ZNF710: variants seen among roughly 807,000 people sequenced by gnomAD.
ZNF710 encodes zinc finger protein 710.
A neutral mutation model predicts 50.6 loss-of-function variants in ZNF710; 13 were observed. The observed-to-expected ratio is 0.26, with a 90% CI of 0.17 to 0.41. The LOEUF is 0.41. ZNF710 is among the 10% of genes least tolerant of loss of function. The probability of loss-of-function intolerance (pLI) is 1.00; values close to 1 mark genes in which losing one functional copy is unlikely to be tolerated. For synonymous variants in ZNF710, 383 were observed against 397.0 expected (o/e 0.96, Z 0.42); for missense variants, 721 against 936.6 (o/e 0.77, Z 3.01).
At chr15:90,070,812 C>T (rs982174090) in intron 2 of ZNF710, among the ~76,000 whole-genome samples, 7 of 152,178 alleles carry the variant, frequency 4.6e-5, no homozygotes, top group Admixed American at 6.5e-5. Context: ...GAGCAAGACT[C>T]TGTCTCCAAA....
intron 2 of ZNF710, among the ~76,000 whole-genome samples, chr15:90,072,539 A>G (rs187935320): frequency 6.6e-6 from 1 of 152,298 alleles, no homozygotes; most frequent in South Asian, 2.1e-4. Context: ...AGCTTCAATC[A>G]TATTATCAAA....
intron 1 of ZNF710, among the ~76,000 whole-genome samples, chr15:90,041,654 A>G (rs1294826260): frequency 6.6e-6 from 1 of 152,104 alleles, no homozygotes; most frequent in Non-Finnish European, 1.5e-5. Context: ...GCCTTTACAC[A>G]CCAAATTAAA....
intron 1 of ZNF710, among the ~76,000 whole-genome samples, chr15:90,004,292 T>C (rs1006772897): frequency 3.3e-5 from 5 of 151,742 alleles, no homozygotes; most frequent in Admixed American, 2.0e-4. Context: ...TCTAGCAGAG[T>C]TGTGTTTGGA....
chr15:90,060,903 G>A (rs921646880), intron 1 of ZNF710, among the ~76,000 whole-genome samples: 3 of 152,174 alleles, frequency 2.0e-5, no homozygotes, highest in Non-Finnish European at 2.9e-5. Context: ...CTGCAGGGCT[G>A]GAGACTGCAG....
intron 4 of ZNF710, chr15:90,076,342 A>G (rs1900589377): frequency 6.6e-6 from 1 of 152,232 alleles, no homozygotes; most frequent in Non-Finnish European, 1.5e-5. Flanking sequence ...ATTCTAGTGG[A>G]TCTGCCCTGT....
At chr15:90,063,055 T>A (rs888345277) in intron 1 of ZNF710, among the ~76,000 whole-genome samples, 1 of 151,968 alleles carries the variant, frequency 6.6e-6, no homozygotes, top group Non-Finnish European at 1.5e-5. Flanking sequence ...GAGACCCCAG[T>A]TCCCCCAGCC....
chr15:90,043,514 C>G (rs1899364792), intron 1 of ZNF710, among the ~76,000 whole-genome samples: 3 of 152,254 alleles, frequency 2.0e-5, no homozygotes, highest in African/African-American at 2.4e-5. Context: ...TTCGGGGAAG[C>G]CTTTACAGCA....
rs140667790 is a variant in ZNF710 at position 90,067,914 on chromosome 15, G to A, written c.777G>A (p.Ala259=). 7 of 1,611,920 alleles carry A rather than the reference G, an allele frequency of 4.3e-6. No individual in the cohort carries two copies. Among genetic ancestry groups the A allele is most frequent in the South Asian group, 2.2e-5 (2 of 91,022 alleles). The change falls in exon 2 of 5, where the codon GCG becomes GCA. Residue 259 remains alanine, a synonymous_variant. Coordinates refer to ENST00000268154, the MANE Select transcript of ZNF710 (RefSeq NM_198526.4). The surrounding 1 kb of genome is among the most constrained non-coding windows in gnomAD (Gnocchi z 8.1). The part of the protein sequence containing the change: ...QEASEFEADT[A]GSTVERHKKA... ...CCAGTGAGTTCGAGGCTGACACGGC[G>A]GGTTCGACCGTGGAACGCCACAAGA... is the stretch of plus-strand genomic sequence containing the variant.
intron 2 of ZNF710, among the ~76,000 whole-genome samples, chr15:90,070,369 G>GAA (rs894552649): frequency 3.7e-5 from 5 of 136,210 alleles, no homozygotes; most frequent in African/African-American, 1.1e-4. Flanking sequence ...TTTTTTTTAA[G>GAA]AAAAAAAAAA....
At chr15:90,019,514 A>G (rs938346331) in intron 1 of ZNF710, among the ~76,000 whole-genome samples, 3 of 152,340 alleles carry the variant, frequency 2.0e-5, no homozygotes, top group Admixed American at 6.5e-5. Flanking sequence ...GACACATTGT[A>G]TCATATTTGG....
intron 1 of ZNF710, among the ~76,000 whole-genome samples, chr15:90,004,020 A>G (rs1448490345): frequency 6.6e-6 from 1 of 152,012 alleles, no homozygotes; most frequent in Admixed American, 6.5e-5. Context: ...ACGCGGGCTC[A>G]CTTGCTTGTC....
chr15:90,051,883 G>A (rs1357519128), intron 1 of ZNF710, among the ~76,000 whole-genome samples: 2 of 152,160 alleles, frequency 1.3e-5, no homozygotes, highest in Admixed American at 6.5e-5. Flanking sequence ...TACAGACAAG[G>A]AAACCAAATC....
intron 1 of ZNF710, among the ~76,000 whole-genome samples, chr15:90,026,443 G>C (rs1392844451): frequency 6.6e-6 from 1 of 152,028 alleles, no homozygotes; most frequent in African/African-American, 2.4e-5. Context: ...CCTTATCGAA[G>C]CATTGCCCCT....
At chr15:90,026,858 A>G (rs1898796578) in intron 1 of ZNF710, among the ~76,000 whole-genome samples, 1 of 152,212 alleles carries the variant, frequency 6.6e-6, no homozygotes, top group African/African-American at 2.4e-5. Context: ...AAAAAAAGGA[A>G]CAGAAGGGTG....
intron 4 of ZNF710, among the ~76,000 whole-genome samples, chr15:90,079,317 C>A (rs1900665938): frequency 6.6e-6 from 1 of 152,204 alleles, no homozygotes; most frequent in Admixed American, 6.5e-5. Context: ...GCCAGAGAAA[C>A]ATTGCAGAGA....
At chr15:90,071,683 T>TTA (rs1278997854) in intron 2 of ZNF710, among the ~76,000 whole-genome samples, 2 of 148,572 alleles carry the variant, frequency 1.3e-5, no homozygotes, top group Non-Finnish European at 3.0e-5. Context: ...TTTACTCTTT[T>TTA]TTTTTTTTTT....
At chr15:90,060,842 C>T (rs1403125383) in intron 1 of ZNF710, among the ~76,000 whole-genome samples, 3 of 152,120 alleles carry the variant, frequency 2.0e-5, no homozygotes, top group African/African-American at 7.2e-5. Context: ...AGCAACAGAG[C>T]AAGACACTGT....
Position 90,037,691 on chromosome 15 carries a change from G to A in ZNF710, c.-28-29419G>A, listed in dbSNP as rs185364199. 6.6e-5 allele frequency among the ~76,000 whole-genome samples: 10 copies of A among 152,346 alleles called. No individual in the cohort carries two copies. The East Asian group carries it at 1.7e-3, about 26-fold the overall frequency. ...TGACCCAAGCATGCCACAATTATGAGAGCATCTTCAGCACTCATAAGCATC... is the reference window on the plus strand; with the variant it reads ...TGACCCAAGCATGCCACAATTATGAAAGCATCTTCAGCACTCATAAGCATC... On this transcript the variant is annotated intron_variant, in intron 1 of 4. Coordinates refer to ENST00000268154, the MANE Select transcript of ZNF710 (RefSeq NM_198526.4).
intron 1 of ZNF710, among the ~76,000 whole-genome samples, chr15:90,008,135 A>G (rs1898184974): frequency 6.6e-6 from 1 of 152,076 alleles, no homozygotes; most frequent in Non-Finnish European, 1.5e-5. Flanking sequence ...CAGCCAAAGC[A>G]CAGCCAAATA....
Sources: gnomAD v4.1 joint callset for allele counts (sites outside exome capture counted in the v4.1 genomes callset) on GRCh38, gnomAD v4.1.1 for gene constraint, Gnocchi (gnomAD v3.1) non-coding constraint, MANE v1.5 for transcripts, NCBI Gene and HGNC (gene_info 2026-07-23, HGNC 2026-07-21) for gene names.